OXR1: variants seen among roughly 807,000 people sequenced by gnomAD.
OXR1 encodes the protein oxidation resistance 1, also known as oxidation resistance protein 1.
OXR1 carries 41 observed loss-of-function variants against 104.6 expected under a neutral mutation model. The ratio of observed to expected loss-of-function variants is 0.39; its 90% CI spans 0.31 to 0.51. The LOEUF is 0.51. Among genes scored for constraint, OXR1 ranks in the 20% least tolerant of loss-of-function variants. The pLI is 0.77. For missense variants in OXR1, 955 were observed against 1,031.9 expected (o/e 0.93, Z 1.02); for synonymous variants, 348 against 348.4 (o/e 1.00, Z 0.01).
In OXR1 at chr8:106,706,711, A is replaced by G. The variant is rs1376867848; in HGVS notation, c.1190A>G (p.Asp397Gly). 6.2e-7 allele frequency: 1 copy of G among 1,611,374 alleles called. No individual in the cohort carries two copies. The highest frequency in any genetic ancestry group is 8.5e-7 in the Non-Finnish European group (1 of 1,179,184). The change falls in exon 9 of 17, where the codon GAT (aspartate) becomes GGT (glycine). Residue 397 changes from aspartate (D) to glycine (G), a missense_variant. By Grantham distance (94) the Asp-to-Gly change is moderately conservative. This residue lies in a region of OXR1 where 849 missense variants were observed against 852.9 expected (regional missense o/e 1.00). Coordinates refer to ENST00000517566, the MANE Select transcript of OXR1 (RefSeq NM_001198533.2). ...GGTACTCCTGGTCACTTAAGATCTG[A>G]TACTGAACATTCTACAAATGAAGTT... ...STGTPGHLRSDTEHSTNEVGT... is the reference protein window; with the variant it reads ...STGTPGHLRSGTEHSTNEVGT...
chr8:106,743,557 G>T (rs377613294), intron 15 of OXR1, among the ~76,000 whole-genome samples: 81 of 152,306 alleles, frequency 5.3e-4, no homozygotes, highest in Non-Finnish European at 9.4e-4. Flanking sequence ...CTGACCTCAG[G>T]TGATCCACCC....
intron 3 of OXR1, among the ~76,000 whole-genome samples, chr8:106,659,700 C>T (rs1191384890): frequency 6.6e-6 from 1 of 152,178 alleles, no homozygotes; most frequent in Non-Finnish European, 1.5e-5. Flanking sequence ...TGGCCAAACA[C>T]GTGTATCTGA....
rs146176539 is a variant in OXR1, at chr8:106,361,413, G to A, written c.23+1777G>A. On this transcript the variant is annotated intron_variant, in intron 2 of 16. Coordinates refer to ENST00000517566, the MANE Select transcript of OXR1 (RefSeq NM_001198533.2). ...GTTCTGCATTAGATTTCCATGCAGG[G>A]AGCTATTAATTTGTTTTACCAGTGT... Among the ~76,000 whole-genome samples the A allele has an allele frequency of 2.9e-3, 442 of 152,224 alleles. 2 individuals carry two copies. Among genetic ancestry groups the A allele is most frequent in the Non-Finnish European group, 4.3e-3 (294 of 68,030 alleles).
At chr8:106,490,067 G>A (rs928479253) in intron 2 of OXR1, among the ~76,000 whole-genome samples, 2 of 152,148 alleles carry the variant, frequency 1.3e-5, no homozygotes, top group Non-Finnish European at 2.9e-5. Context: ...ATTGAGTACT[G>A]TTATTTCCAA....
At chr8:106,593,880 T>A (rs1203435279) in intron 3 of OXR1, among the ~76,000 whole-genome samples, 1 of 152,184 alleles carries the variant, frequency 6.6e-6, no homozygotes, top group African/African-American at 2.4e-5. Context: ...CAAGGCTATA[T>A]GCAGAAAGGA....
At chr8:106,509,379 A>G (rs1353540135) in intron 2 of OXR1, among the ~76,000 whole-genome samples, 1 of 152,242 alleles carries the variant, frequency 6.6e-6, no homozygotes, top group Non-Finnish European at 1.5e-5. Context: ...CAGAAAGCAC[A>G]TGAGGGAAAA....
intron 3 of OXR1, among the ~76,000 whole-genome samples, chr8:106,568,346 A>G (rs1353886143): frequency 1.3e-5 from 2 of 152,156 alleles, no homozygotes; most frequent in Non-Finnish European, 2.9e-5. Flanking sequence ...CAAGTCCTCA[A>G]TAAGCTGTAT....
At chr8:106,330,960 T>A (rs1348540297) in intron 1 of OXR1, among the ~76,000 whole-genome samples, 1 of 152,184 alleles carries the variant, frequency 6.6e-6, no homozygotes, top group Non-Finnish European at 1.5e-5. Flanking sequence ...CCCCCAAAAA[T>A]GGTAGTTAAA....
intron 3 of OXR1, chr8:106,657,504 G>C (rs934129265): frequency 6.6e-6 from 1 of 152,472 alleles, no homozygotes; most frequent in South Asian, 2.1e-4. Context: ...GCTCTGACCT[G>C]GCGGGAGGCT....
At chr8:106,384,595 G>A (rs2130424109) in intron 2 of OXR1, among the ~76,000 whole-genome samples, 1 of 152,246 alleles carries the variant, frequency 6.6e-6, no homozygotes, top group East Asian at 1.9e-4. Flanking sequence ...GAAATCAGGG[G>A]AAGCTCTTAT....
intron 10 of OXR1, among the ~76,000 whole-genome samples, chr8:106,711,713 T>C (rs996772917): frequency 6.6e-6 from 1 of 152,088 alleles, no homozygotes; most frequent in Non-Finnish European, 1.5e-5. Flanking sequence ...ACATCAGCAA[T>C]TGTGTGATTT....
chr8:106,613,624 C>T (rs1346100865), intron 3 of OXR1, among the ~76,000 whole-genome samples: 2 of 152,208 alleles, frequency 1.3e-5, no homozygotes, highest in Admixed American at 6.5e-5. Context: ...GTCTCGAACT[C>T]CTGACCTCAG....
chr8:106,346,674 G>T (rs755286348), intron 1 of OXR1, among the ~76,000 whole-genome samples: 78 of 152,014 alleles, frequency 5.1e-4, no homozygotes, highest in Middle Eastern at 3.4e-3. Flanking sequence ...TTTCTCCAAG[G>T]ATGCTGTGGC....
intron 3 of OXR1, among the ~76,000 whole-genome samples, chr8:106,577,137 C>T (rs191886495): frequency 3.9e-5 from 6 of 152,002 alleles, no homozygotes; most frequent in African/African-American, 1.4e-4. Flanking sequence ...TTATAAATTA[C>T]AATGGATATA....
intron 3 of OXR1, among the ~76,000 whole-genome samples, chr8:106,589,299 T>G (rs1410138418): frequency 6.6e-6 from 1 of 151,610 alleles, no homozygotes; most frequent in Non-Finnish European, 1.5e-5. Flanking sequence ...TTGGCTGTTG[T>G]CTCTAGGCAG....
In OXR1 at chr8:106,526,708, A is replaced by G. The variant is rs1366486664; in HGVS notation, c.220+7569A>G. ...CAGGCGTCCGCCACCACGCCCGGCT[A>G]ATTTTTTTGTATTTTTAGTAGAGAC... On this transcript the variant is annotated intron_variant, in intron 3 of 16. Transcript: ENST00000517566. 3.3e-5 allele frequency among the ~76,000 whole-genome samples: 5 copies of G among 152,196 alleles called. No homozygotes were observed. The South Asian group carries it at 8.3e-4, about 25-fold the overall frequency.
intron 3 of OXR1, among the ~76,000 whole-genome samples, chr8:106,609,461 A>C (rs1563640634): frequency 6.6e-6 from 1 of 152,204 alleles, no homozygotes; most frequent in Non-Finnish European, 1.5e-5. Flanking sequence ...TCAGTAATAT[A>C]AGGAAATACT....
At chr8:106,594,521 T>C (rs982573912) in intron 3 of OXR1, among the ~76,000 whole-genome samples, 1 of 152,116 alleles carries the variant, frequency 6.6e-6, no homozygotes, top group African/African-American at 2.4e-5. Context: ...TTCAGAACCT[T>C]ATTAGTTGAG....
chr8:106,444,589 A>T (rs1364596680), intron 2 of OXR1, among the ~76,000 whole-genome samples: 1 of 152,158 alleles, frequency 6.6e-6, no homozygotes, highest in Non-Finnish European at 1.5e-5. Flanking sequence ...ACACAGGAAC[A>T]GCGAACCAAA....
Sources: allele counts gnomAD v4.1 joint callset (sites outside exome capture counted in the v4.1 genomes callset), GRCh38; gene constraint gnomAD v4.1.1; regional missense constraint gnomAD v4.1.1; transcripts MANE v1.5; gene names NCBI Gene and HGNC (gene_info 2026-07-23, HGNC 2026-07-21).